ADAMTS3: variants seen among roughly 807,000 people sequenced by gnomAD.
ADAMTS3 encodes A disintegrin and metalloproteinase with thrombospondin motifs 3.
In ADAMTS3, 73 loss-of-function variants were observed where a neutral mutation model predicts 129.0. The ratio of observed to expected loss-of-function variants is 0.57; its 90% confidence interval spans 0.47 to 0.69. ADAMTS3 has a LOEUF of 0.69. Ranked by LOEUF, ADAMTS3 falls within the 30% of genes least tolerant of loss-of-function variation. The probability of loss-of-function intolerance (pLI) is 0.00; values close to 1 mark genes in which losing one functional copy is unlikely to be tolerated. For synonymous variants in ADAMTS3, 477 were observed against 510.8 expected (o/e 0.93, Z 0.89); for missense variants, 1,457 against 1,514.5 (o/e 0.96, Z 0.63).
At chr4:72,336,986 A>G (rs1279920089) in intron 5 of ADAMTS3, among the ~76,000 whole-genome samples, 1 of 152,070 alleles carries the variant, frequency 6.6e-6, no homozygotes, top group Non-Finnish European at 1.5e-5. Context: ...GTGACTATAC[A>G]CTTAAGTATA....
chr4:72,524,578 C>G lies in ADAMTS3; in HGVS notation c.504+23900G>C, dbSNP rs1578761076. ...TATTATTAAGTTACTATTATTATCA[C>G]CATTTTACTAATGAGGAAACAGAGA... is the stretch of plus-strand genomic sequence containing the variant. On this transcript the variant is annotated intron_variant, in intron 3 of 21. Coordinates refer to ENST00000286657, the MANE Select transcript of ADAMTS3 (RefSeq NM_014243.3). Among the ~76,000 whole-genome samples the G allele has an allele frequency of 3.3e-5, 5 of 151,964 alleles. 1 individual carries two copies. Among genetic ancestry groups the G allele is most frequent in the Admixed American group, 3.3e-4 (5 of 15,248 alleles).
intron 4 of ADAMTS3, among the ~76,000 whole-genome samples, chr4:72,385,720 C>G (rs1033927009): frequency 1.3e-5 from 2 of 152,074 alleles, no homozygotes; most frequent in African/African-American, 2.4e-5. Flanking sequence ...TTTGGAATTT[C>G]CTAATTAGTT....
At position 72,418,007 on chromosome 4, in the gene ADAMTS3, G is replaced by A. The variant is rs150440894; in HGVS notation, c.505-3036C>T. On this transcript the variant is annotated intron_variant, in intron 3 of 21. Coordinates refer to ENST00000286657, the MANE Select transcript of ADAMTS3 (RefSeq NM_014243.3). ...AATAAATGAGAAATCCTGCAAGACA[G>A]TTCATTTGTCCTCATTTGATTAAAT... is the stretch of plus-strand genomic sequence containing the variant. Among the ~76,000 whole-genome samples, 92 of 151,262 alleles carry A rather than the reference G, an allele frequency of 6.1e-4. No homozygotes were observed. The East Asian group carries it at 0.016, about 26-fold the overall frequency.
At chr4:72,347,404 C>G (rs1720317362) in intron 4 of ADAMTS3, among the ~76,000 whole-genome samples, 1 of 151,342 alleles carries the variant, frequency 6.6e-6, no homozygotes, top group Non-Finnish European at 1.5e-5. Flanking sequence ...CATCAATAGT[C>G]TTCATTTTCC....
At chr4:72,292,476 C>G (rs1287288184) in intron 19 of ADAMTS3, among the ~76,000 whole-genome samples, 1 of 152,194 alleles carries the variant, frequency 6.6e-6, no homozygotes, top group Non-Finnish European at 1.5e-5. Flanking sequence ...TGGGTAAAAA[C>G]TGTTCACACA....
At chr4:72,514,519 A>C (rs2109728351) in intron 3 of ADAMTS3, among the ~76,000 whole-genome samples, 1 of 152,260 alleles carries the variant, frequency 6.6e-6, no homozygotes, top group South Asian at 2.1e-4. Flanking sequence ...CTCTCGCAGA[A>C]GTTTTGTTAG....
At chr4:72,492,259 T>C (rs562116748) in intron 3 of ADAMTS3, among the ~76,000 whole-genome samples, 2 of 151,640 alleles carry the variant, frequency 1.3e-5, no homozygotes, top group Non-Finnish European at 3.0e-5. Flanking sequence ...ATTTGATTTA[T>C]TTCTTTTCTA....
intron 3 of ADAMTS3, among the ~76,000 whole-genome samples, chr4:72,479,033 G>A (rs969638615): frequency 1.3e-5 from 2 of 152,038 alleles, no homozygotes; most frequent in African/African-American, 2.4e-5. Flanking sequence ...ACTGCTCAAC[G>A]AAATAAAAGA....
intron 4 of ADAMTS3, among the ~76,000 whole-genome samples, chr4:72,384,908 C>T (rs1349500070): frequency 2.0e-5 from 3 of 152,270 alleles, no homozygotes; most frequent in East Asian, 3.9e-4. Flanking sequence ...GTGGCTCACG[C>T]CTGTAATCCC....
intron 3 of ADAMTS3, among the ~76,000 whole-genome samples, chr4:72,493,057 T>G (rs541438900): frequency 6.6e-6 from 1 of 152,066 alleles, no homozygotes; most frequent in African/African-American, 2.4e-5. Flanking sequence ...TTTCTTTTAT[T>G]TGCATGAAAT....
At chr4:72,417,210 T>C (rs1232633121) in intron 3 of ADAMTS3, among the ~76,000 whole-genome samples, 2 of 152,182 alleles carry the variant, frequency 1.3e-5, no homozygotes, top group Non-Finnish European at 2.9e-5. Context: ...AAACTCCCTA[T>C]CTTAAGATTT....
Position 72,568,863 on chromosome 4 carries a change from G to T in ADAMTS3, c.-101C>A. ...AGTTTCTTTAAGAAAAAAAGGAAAA[G>T]GGAAAAAATGCGAAATAGAAAAAAA... is the stretch of plus-strand genomic sequence containing the variant. On this transcript the variant is annotated 5_prime_UTR_variant, in exon 1 of 22. Coordinates refer to ENST00000286657, the MANE Select transcript of ADAMTS3 (RefSeq NM_014243.3). 1 of 817,142 alleles carries T rather than the reference G, an allele frequency of 1.2e-6. No individual in the cohort carries two copies. The highest frequency in any genetic ancestry group is 1.9e-6 in the Non-Finnish European group (1 of 535,834). 50.6% of individuals were successfully genotyped at this position (817,142 alleles called of 1,614,324 possible).
intron 14 of ADAMTS3, among the ~76,000 whole-genome samples, chr4:72,309,889 T>C (rs1016630469): frequency 6.6e-6 from 1 of 152,048 alleles, no homozygotes; most frequent in African/African-American, 2.4e-5. Context: ...ATGGATAATA[T>C]AGTGAGTTGT....
intron 3 of ADAMTS3, among the ~76,000 whole-genome samples, chr4:72,458,094 G>C (rs1351498695): frequency 1.3e-5 from 2 of 151,708 alleles, no homozygotes; most frequent in Admixed American, 1.3e-4. Context: ...GTAATATTTG[G>C]AGATGGAGGT....
chr4:72,341,108 T>C (rs907800696), intron 4 of ADAMTS3, among the ~76,000 whole-genome samples: 3 of 152,092 alleles, frequency 2.0e-5, no homozygotes, highest in Admixed American at 2.0e-4. Context: ...CTGGGAAAAA[T>C]AGGTGTCTTT....
Position 72,311,173 on chromosome 4 carries a change from T to C in ADAMTS3, c.1930A>G (p.Arg644Gly). 5 of 1,609,894 alleles carry C rather than the reference T, an allele frequency of 3.1e-6. No homozygotes were observed. The highest frequency in any genetic ancestry group is 4.2e-6 in the Non-Finnish European group (5 of 1,177,812). Reference protein sequence around the residue: ...LPYEHPDPKKRCHLYCQSKET... With the variant: ...LPYEHPDPKKGCHLYCQSKET... ...TTGGACTGACAGTAAAGGTGGCATC[T>C]TTTCTTGGCTGCATAAGATGGAGGA... The change falls in exon 14 of 22, where the codon AGA (arginine) becomes GGA (glycine). Residue 644 changes from arginine to glycine, a missense_variant. By Grantham distance (125) the Arg-to-Gly change is moderately radical (BLOSUM62 -2). Coordinates refer to ENST00000286657, the MANE Select transcript of ADAMTS3 (RefSeq NM_014243.3).
chr4:72,491,366 G>A (rs1398889841), intron 3 of ADAMTS3, among the ~76,000 whole-genome samples: 1 of 151,596 alleles, frequency 6.6e-6, no homozygotes, highest in Non-Finnish European at 1.5e-5. Context: ...AGGCATCTTT[G>A]TATTGTTCAG....
intron 2 of ADAMTS3, among the ~76,000 whole-genome samples, chr4:72,558,170 G>A (rs753334499): frequency 4.0e-5 from 6 of 151,820 alleles, no homozygotes; most frequent in African/African-American, 9.7e-5. Flanking sequence ...CTTTACTTGC[G>A]ATAATTACAT....
chr4:72,371,873 GCT>G (rs1336251853), intron 4 of ADAMTS3, among the ~76,000 whole-genome samples: 2 of 149,654 alleles, frequency 1.3e-5, no homozygotes, highest in African/African-American at 5.0e-5. Flanking sequence ...AACATTTCAT[GCT>G]GGGCCATAAA....
Sources: gnomAD v4.1 joint callset for allele counts (sites outside exome capture counted in the v4.1 genomes callset) on GRCh38, gnomAD v4.1.1 for gene constraint, MANE v1.5 for transcripts, NCBI Gene and HGNC (gene_info 2026-07-23, HGNC 2026-07-21) for gene names.